STPG2: variants seen among roughly 807,000 people sequenced by gnomAD.
The protein encoded by STPG2 is sperm tail PG-rich repeat containing 2.
Under a neutral mutation model 54.2 loss-of-function variants are expected in STPG2, and 56 were observed. The ratio of observed to expected loss-of-function variants is 1.03; its 90% CI spans 0.83 to 1.29. The LOEUF (loss-of-function observed/expected upper bound fraction) is 1.29. STPG2 is among the 50% of genes most tolerant of loss of function. The pLI is 0.00. For synonymous variants in STPG2, 200 were observed against 181.8 expected, an observed-to-expected ratio of 1.10 and a Z score of -0.81; for missense variants, 596 against 544.9, an observed-to-expected ratio of 1.09 and a Z score of -0.93.
At chr4:98,131,480 T>C (rs1195856717) in intron 2 of STPG2, among the ~76,000 whole-genome samples, 3 of 152,176 alleles carry the variant, frequency 2.0e-5, no homozygotes, top group African/African-American at 7.2e-5. Flanking sequence ...GCAATTTAAA[T>C]ATACTTACAA....
intron 6 of STPG2, among the ~76,000 whole-genome samples, chr4:97,972,956 T>A (rs1034677191): frequency 1.3e-5 from 2 of 152,136 alleles, no homozygotes; most frequent in African/African-American, 4.8e-5. Flanking sequence ...CACTCTTGGG[T>A]ATGTCTTTTT....
chr4:97,578,364 G>T (rs546441647), intron 10 of STPG2, among the ~76,000 whole-genome samples: 1 of 152,174 alleles, frequency 6.6e-6, no homozygotes, highest in East Asian at 1.9e-4. Flanking sequence ...TAAAGAGGAG[G>T]TCATGGGAAG....
At chr4:97,833,212 C>T (rs1728523400) in intron 9 of STPG2, among the ~76,000 whole-genome samples, 1 of 152,180 alleles carries the variant, frequency 6.6e-6, no homozygotes, top group African/African-American at 2.4e-5. Context: ...CACCACGCAT[C>T]TACAACCATC....
At chr4:97,724,830 G>A (rs564490271) in intron 9 of STPG2, among the ~76,000 whole-genome samples, 1 of 152,186 alleles carries the variant, frequency 6.6e-6, no homozygotes, top group Non-Finnish European at 1.5e-5. Flanking sequence ...ATCAAGTTAA[G>A]AAAGTTACTT....
chr4:97,958,127 T>C (rs939787894), intron 7 of STPG2, among the ~76,000 whole-genome samples: 36 of 152,102 alleles, frequency 2.4e-4, no homozygotes, highest in Admixed American at 1.2e-3. Context: ...CTGGCCAACA[T>C]GGTAAAACCC....
intron 5 of STPG2, among the ~76,000 whole-genome samples, chr4:98,102,102 G>A (rs1739055689): frequency 6.6e-6 from 1 of 152,116 alleles, no homozygotes; most frequent in Admixed American, 6.6e-5. Context: ...TATCTTATTT[G>A]TCACATTCCT....
chr4:98,011,765 G>T (rs1735759495), intron 5 of STPG2, among the ~76,000 whole-genome samples: 1 of 152,182 alleles, frequency 6.6e-6, no homozygotes, highest in African/African-American at 2.4e-5. Context: ...CTTCTTTTGA[G>T]AAGTGTCTGT....
chr4:97,952,709 C>T (rs930798248), intron 7 of STPG2, among the ~76,000 whole-genome samples: 6 of 152,124 alleles, frequency 3.9e-5, no homozygotes, highest in African/African-American at 9.7e-5. Context: ...GAGATTCCTT[C>T]GTTATAAATA....
At chr4:98,030,713 A>G (rs1736568013) in intron 5 of STPG2, among the ~76,000 whole-genome samples, 1 of 152,112 alleles carries the variant, frequency 6.6e-6, no homozygotes, top group East Asian at 1.9e-4. Flanking sequence ...TCAGAAAAGA[A>G]TACCCAGAAA....
chr4:97,530,149 T>C (rs529654456), intron 4 of STPG2, among the ~76,000 whole-genome samples: 3 of 152,076 alleles, frequency 2.0e-5, no homozygotes, highest in African/African-American at 4.8e-5. Context: ...AGTAGGAGGG[T>C]CTTCCATGTG....
At chr4:97,830,935 C>A (rs1006336235) in intron 9 of STPG2, among the ~76,000 whole-genome samples, 18 of 152,106 alleles carry the variant, frequency 1.2e-4, no homozygotes, top group Non-Finnish European at 2.6e-4. Flanking sequence ...GAGACTTTAA[C>A]ACCCCACTGT....
At chr4:97,740,794 A>T (rs1271366427) in intron 9 of STPG2, among the ~76,000 whole-genome samples, 1 of 152,210 alleles carries the variant, frequency 6.6e-6, no homozygotes. Context: ...TGCCCAAGGT[A>T]ATTTATACAT....
At chr4:98,015,684 T>A (rs1470107025) in intron 5 of STPG2, among the ~76,000 whole-genome samples, 1 of 152,204 alleles carries the variant, frequency 6.6e-6, no homozygotes, top group Non-Finnish European at 1.5e-5. Context: ...AAATACTATA[T>A]GACCCAGCAA....
chr4:98,043,148 T>C (rs1737017517), intron 5 of STPG2, among the ~76,000 whole-genome samples: 1 of 152,072 alleles, frequency 6.6e-6, no homozygotes, highest in Non-Finnish European at 1.5e-5. Context: ...ACTACAGCCA[T>C]TCCTCTTTTA....
Position 97,680,066 on chromosome 4 carries a change from C to T in STPG2, c.1320+32633G>A, listed in dbSNP as rs527847978. The stretch of plus-strand genomic sequence containing the variant: ...AGTTTGAAATCAGGTAGTGTGATGC[C>T]TCCAGCTTTGTTCTTTTGGCTTAGG... On this transcript the variant is annotated intron_variant, in intron 10 of 10. Coordinates refer to ENST00000295268, the MANE Select transcript of STPG2 (RefSeq NM_174952.3). Among the ~76,000 whole-genome samples, 5 of 152,110 alleles carry T rather than the reference C, an allele frequency of 3.3e-5. No individual in the cohort carries two copies. In the South Asian group the frequency reaches 8.3e-4, roughly 25 times the overall value.
At chr4:97,648,005 C>A (rs1420072598) in intron 10 of STPG2, among the ~76,000 whole-genome samples, 2 of 152,162 alleles carry the variant, frequency 1.3e-5, no homozygotes, top group African/African-American at 4.8e-5. Context: ...TCAGCAATGG[C>A]ACTGACTGAC....
At chr4:97,814,340 T>C (rs961828893) in intron 9 of STPG2, among the ~76,000 whole-genome samples, 7 of 152,026 alleles carry the variant, frequency 4.6e-5, no homozygotes, top group African/African-American at 1.7e-4. Flanking sequence ...GTTTTGTTTT[T>C]TGTTTTGAGA....
At chr4:97,564,603 T>A (rs1732370008) in intron 10 of STPG2, among the ~76,000 whole-genome samples, 2 of 152,200 alleles carry the variant, frequency 1.3e-5, no homozygotes, top group African/African-American at 4.8e-5. Flanking sequence ...AGTGCTTCCT[T>A]CAGGACCTCT....
chr4:98,132,219 A>C (rs1740014441), intron 2 of STPG2, among the ~76,000 whole-genome samples: 1 of 152,058 alleles, frequency 6.6e-6, no homozygotes, highest in Non-Finnish European at 1.5e-5. Flanking sequence ...TATTCACCAC[A>C]GATGTTGAAA....
Sources: gnomAD v4.1 joint callset for allele counts (sites outside exome capture counted in the v4.1 genomes callset) on GRCh38, gnomAD v4.1.1 for gene constraint, MANE v1.5 for transcripts, NCBI Gene and HGNC (gene_info 2026-07-23, HGNC 2026-07-21) for gene names.